The following FARP1 variants were observed in gnomAD, a reference collection of about 807,000 sequenced individuals.
FARP1 encodes FERM, ARH/RhoGEF and pleckstrin domain protein 1.
Under a neutral mutation model 128.8 loss-of-function variants are expected in FARP1, and 52 were observed. The ratio of observed to expected loss-of-function variants is 0.40; its 90% CI spans 0.32 to 0.51. The LOEUF (loss-of-function observed/expected upper bound fraction) is 0.51, where lower values mean the gene tolerates loss of function less well. FARP1 is among the 20% of genes least tolerant of loss of function. The pLI is 0.45. For missense variants in FARP1, 1,333 were observed against 1,367.9 expected (o/e 0.97, Z 0.40); for synonymous variants, 580 against 551.8 (o/e 1.05, Z -0.72).
chr13:98,366,001 G>T (rs1594450043), intron 4 of FARP1, among the ~76,000 whole-genome samples: 1 of 152,016 alleles, frequency 6.6e-6, no homozygotes, highest in East Asian at 1.9e-4. Flanking sequence ...ATTAAGGAAT[G>T]TGTAGGGGAG....
intron 2 of FARP1, among the ~76,000 whole-genome samples, chr13:98,306,016 A>G (rs1000435013): frequency 6.6e-6 from 1 of 152,222 alleles, no homozygotes; most frequent in African/African-American, 2.4e-5. Flanking sequence ...ATCCATGTGC[A>G]GAGACCCATC....
At chr13:98,351,610 T>TAAA (rs67814587) in intron 3 of FARP1, among the ~76,000 whole-genome samples, 33 of 124,642 alleles carry the variant, frequency 2.6e-4, no homozygotes, top group Non-Finnish European at 4.9e-4. Flanking sequence ...AGACTCCATC[T>TAAA]AAAAAAAAAA....
chr13:98,296,783 C>A (rs1184478165), intron 2 of FARP1, among the ~76,000 whole-genome samples: 1 of 147,886 alleles, frequency 6.8e-6, no homozygotes, highest in African/African-American at 2.5e-5. Context: ...CTTCCCAACT[C>A]AGGTGATCCT....
At chr13:98,332,618 G>A (rs1213369130) in intron 2 of FARP1, 2 of 152,316 alleles carry the variant, frequency 1.3e-5, no homozygotes, top group East Asian at 3.9e-4. Flanking sequence ...TGGATTTTCA[G>A]TTTAAAAGCC....
intron 2 of FARP1, among the ~76,000 whole-genome samples, chr13:98,220,113 G>A (rs1881329547): frequency 3.3e-5 from 5 of 152,066 alleles, no homozygotes; most frequent in South Asian, 2.1e-4. Context: ...TTGAGGGGGC[G>A]GGGTCTATCT....
chr13:98,229,758 G>T (rs1337839085), intron 2 of FARP1, among the ~76,000 whole-genome samples: 14 of 148,042 alleles, frequency 9.5e-5, no homozygotes, highest in African/African-American at 2.5e-4. Flanking sequence ...TTTGTTTTTA[G>T]TGGATAAGGG....
intron 1 of FARP1, among the ~76,000 whole-genome samples, chr13:98,212,066 C>T (rs927737457): frequency 3.3e-5 from 5 of 152,138 alleles, no homozygotes; most frequent in African/African-American, 1.2e-4. Context: ...CATTTGTTTT[C>T]GTTTTTGAGA....
At chr13:98,155,937 G>A (rs1327545944) in intron 1 of FARP1, among the ~76,000 whole-genome samples, 1 of 152,174 alleles carries the variant, frequency 6.6e-6, no homozygotes, top group African/African-American at 2.4e-5. Context: ...GCTGCCAGGA[G>A]GCAAGAATCA....
intron 5 of FARP1, among the ~76,000 whole-genome samples, chr13:98,376,768 T>G (rs1343247366): frequency 6.6e-6 from 1 of 150,590 alleles, no homozygotes; most frequent in Non-Finnish European, 1.5e-5. Flanking sequence ...TGTTTTTTTT[T>G]TTTTTTTTTT....
At chr13:98,320,252 A>G (rs1886930815) in intron 2 of FARP1, among the ~76,000 whole-genome samples, 1 of 152,178 alleles carries the variant, frequency 6.6e-6, no homozygotes, top group African/African-American at 2.4e-5. Context: ...CAGGTTCCTG[A>G]AAAGGTACCT....
intron 5 of FARP1, among the ~76,000 whole-genome samples, chr13:98,375,341 T>G (rs188497623): frequency 1.3e-3 from 202 of 152,344 alleles, no homozygotes; most frequent in Non-Finnish European, 2.6e-3. Context: ...GAGGATTTTC[T>G]AATTCTATTA....
intron 2 of FARP1, among the ~76,000 whole-genome samples, chr13:98,231,589 C>T (rs777057221): frequency 3.9e-5 from 6 of 151,954 alleles, no homozygotes; most frequent in East Asian, 1.9e-4. Context: ...TGGTGCCTGC[C>T]GCCATGCCCG....
At chr13:98,274,982 T>C (rs1884567343) in intron 2 of FARP1, among the ~76,000 whole-genome samples, 1 of 152,216 alleles carries the variant, frequency 6.6e-6, no homozygotes, top group South Asian at 2.1e-4. Context: ...AATATGATTG[T>C]ATTAAAAAGT....
At chr13:98,395,034 G>A (rs1294731479) in intron 12 of FARP1, among the ~76,000 whole-genome samples, 193 bp from the exon 13 acceptor site, 9 of 152,148 alleles carry the variant, frequency 5.9e-5, no homozygotes, top group African/African-American at 1.2e-4. Context: ...CAGCCGCCAC[G>A]CCCTGAAGGA....
At chr13:98,370,236 C>T (rs564240968) in intron 5 of FARP1, among the ~76,000 whole-genome samples, 3 of 152,194 alleles carry the variant, frequency 2.0e-5, no homozygotes, top group East Asian at 1.9e-4. Flanking sequence ...CTGCCCAAGG[C>T]GGGAATCAGC....
At position 98,395,381 on chromosome 13, in the gene FARP1, C is replaced by T. The variant is rs149057508; in HGVS notation, c.1319C>T (p.Ala440Val). ...PRRSPAGNKQ[A>V]DGAASAPTEE... ...AGAAGCCCCGCGGGTAACAAGCAGGCGGACGGAGCCGCCTCGGCGCCCACG... is the reference window on the plus strand; with the variant it reads ...AGAAGCCCCGCGGGTAACAAGCAGGTGGACGGAGCCGCCTCGGCGCCCACG... The change falls in exon 13 of 27, where the codon GCG (alanine) becomes GTG (valine). Residue 440 changes from alanine (A) to valine (V), a missense_variant. Around this residue, in one of 2 missense-constraint regions of FARP1, gnomAD observed 1,009 missense variants for 969.8 expected, o/e 1.04. Coordinates refer to ENST00000319562, the MANE Select transcript of FARP1 (RefSeq NM_005766.4). The T allele has an allele frequency of 5.6e-6, 9 of 1,611,582 alleles. No individual in the cohort carries two copies. Among genetic ancestry groups the T allele is most frequent in the East Asian group, 4.5e-5 (2 of 44,848 alleles).
In FARP1 at chr13:98,395,445, G is replaced by A; in HGVS notation, c.1383G>A (p.Gln461=). 1.3e-6 allele frequency: 2 copies of A among 1,596,880 alleles called. No individual in the cohort carries two copies. Among genetic ancestry groups the A allele is most frequent in the Non-Finnish European group, 8.6e-7 (1 of 1,167,230 alleles). The change falls in exon 13 of 27, where the codon CAG becomes CAA. Residue 461 remains glutamine, a synonymous_variant. Transcript: ENST00000319562. ...AGGTCGTTAAGGATAGGACCCAGCA[G>A]AGTAAACCTCAGCCCCCGCAGCCAA... ...EEEVVKDRTQ[Q]SKPQPPQPST... is the part of the protein sequence containing the mutation.
intron 2 of FARP1, among the ~76,000 whole-genome samples, chr13:98,230,321 C>T (rs995116437): frequency 6.6e-6 from 1 of 152,156 alleles, no homozygotes; most frequent in African/African-American, 2.4e-5. Flanking sequence ...CCTCCGAGTT[C>T]CTTAGTATTC....
intron 6 of FARP1, among the ~76,000 whole-genome samples, chr13:98,380,272 C>G (rs1036567674): frequency 2.6e-5 from 4 of 151,922 alleles, no homozygotes; most frequent in Non-Finnish European, 5.9e-5. Flanking sequence ...GATGGTGAAA[C>G]CTTGTCTCTA....
Sources: allele counts gnomAD v4.1 joint callset (sites outside exome capture counted in the v4.1 genomes callset), GRCh38; gene constraint gnomAD v4.1.1; regional missense constraint gnomAD v4.1.1; transcripts MANE v1.5; gene names NCBI Gene and HGNC (gene_info 2026-07-23, HGNC 2026-07-21).